KIF14: variants seen among roughly 807,000 people sequenced by gnomAD.
KIF14 encodes the protein kinesin family member 14.
In KIF14, 98 loss-of-function variants were observed where a neutral mutation model predicts 176.2. The observed-to-expected ratio is 0.56, with a 90% CI of 0.47 to 0.66. KIF14 has a LOEUF of 0.66. Among genes scored for constraint, KIF14 ranks in the 30% least tolerant of loss-of-function variants. KIF14 has a pLI of 0.00. For synonymous variants in KIF14, 566 were observed against 632.2 expected (o/e 0.90, Z 1.57); for missense variants, 1,751 against 1,920.4 (o/e 0.91, Z 1.65).
intron 3 of KIF14, among the ~76,000 whole-genome samples, 184 bp downstream of exon 3, chr1:200,615,171 T>A (rs938311853): frequency 6.6e-6 from 1 of 152,208 alleles, no homozygotes; most frequent in African/African-American, 2.4e-5. Flanking sequence ...AAGGTAAATG[T>A]ATAAACTGAA....
intron 22 of KIF14, among the ~76,000 whole-genome samples, chr1:200,572,581 G>A (rs1657865887): frequency 6.6e-6 from 1 of 152,114 alleles, no homozygotes. Context: ...CTGACCTTGT[G>A]ATCCGCCCAC....
At chr1:200,598,462 A>T (rs1659472270) in intron 13 of KIF14, 41 bp from the exon 14 acceptor site, 1 of 1,510,208 alleles carries the variant, frequency 6.6e-7, no homozygotes, top group African/African-American at 1.4e-5. Context: ...TAATCACAGT[A>T]TGAAATTGTT....
intron 25 of KIF14, among the ~76,000 whole-genome samples, chr1:200,561,285 A>C (rs1157933415): frequency 1.3e-5 from 2 of 150,760 alleles, no homozygotes; most frequent in African/African-American, 2.4e-5. Flanking sequence ...TCATGCCTGT[A>C]ATCTCAGCAC....
At position 200,598,348 on chromosome 1, in the gene KIF14, G is replaced by C. The variant is rs1659466390; in HGVS notation, c.2438C>G (p.Ser813Cys). 2 of 1,612,904 alleles carry C rather than the reference G, an allele frequency of 1.2e-6. No homozygotes were observed. The highest frequency in any genetic ancestry group is 1.7e-6 in the Non-Finnish European group (2 of 1,179,398). ...LVNLNEDPQL[S>C]EMLLYMIKEG... ...TTTTATCATATATAGCAGCATCTCA[G>C]ATAGTTGTGGATCTTCATTCAGATT... is the stretch of plus-strand genomic sequence containing the variant. The change falls in exon 14 of 30, where the codon TCT becomes TGT. Residue 813 changes from serine (S) to cysteine (C), a missense_variant. Coordinates refer to ENST00000367350, the MANE Select transcript of KIF14 (RefSeq NM_014875.3).
chr1:200,600,028 G>A, intron 13 of KIF14, 22 bp downstream of exon 13: 2 of 1,388,620 alleles, frequency 1.4e-6, no homozygotes, highest in Non-Finnish European at 2.0e-6. Context: ...TTTCTAATCA[G>A]TTTAGAAAGT....
chr1:200,571,208 G>A (rs905721913), intron 22 of KIF14, among the ~76,000 whole-genome samples: 2 of 151,740 alleles, frequency 1.3e-5, no homozygotes, highest in African/African-American at 2.4e-5. Flanking sequence ...CCAGCTACTC[G>A]GGAGGCTGAG....
rs1338885068 is a variant in KIF14 at position 200,575,709 on chromosome 1, T to A, written c.3466-18A>T. Reference sequence around the variant, plus strand: ...CCATTACTCTAAGAAAAATATAATATATAGTTTCAGTAAATTTGGGGTGAA... The same window carrying A: ...CCATTACTCTAAGAAAAATATAATAAATAGTTTCAGTAAATTTGGGGTGAA... On this transcript the variant is annotated intron_variant, in intron 21 of 29. Transcript: ENST00000367350. 1 of 1,360,146 alleles carries A rather than the reference T, an allele frequency of 7.4e-7. No homozygotes were observed. Among genetic ancestry groups the A allele is most frequent in the Non-Finnish European group, 1.0e-6 (1 of 1,004,926 alleles). 84.3% of individuals were successfully genotyped at this position (1,360,146 alleles called of 1,614,324 possible).
At chr1:200,604,903 CAT>C (rs1314209020) in intron 8 of KIF14, among the ~76,000 whole-genome samples, 1 of 151,960 alleles carries the variant, frequency 6.6e-6, no homozygotes, top group Non-Finnish European at 1.5e-5. Context: ...AATATACTAT[CAT>C]ATATTGATAT....
chr1:200,573,147 G>A (rs1282571054), intron 22 of KIF14, among the ~76,000 whole-genome samples: 1 of 152,162 alleles, frequency 6.6e-6, no homozygotes, highest in African/African-American at 2.4e-5. Flanking sequence ...GCCCGATGTT[G>A]TCAATCATGG....
intron 27 of KIF14, among the ~76,000 whole-genome samples, chr1:200,559,084 T>G (rs1656987422): frequency 6.6e-6 from 1 of 151,920 alleles, no homozygotes; most frequent in African/African-American, 2.4e-5. Flanking sequence ...TGCTTAGGAG[T>G]TTACAGACTG....
At chr1:200,582,651 A>C (rs1658523118) in intron 19 of KIF14, among the ~76,000 whole-genome samples, 1 of 152,152 alleles carries the variant, frequency 6.6e-6, no homozygotes, top group African/African-American at 2.4e-5. Flanking sequence ...GGAGTTTGAA[A>C]CTAGCCTGGC....
Position 200,593,700 on chromosome 1 carries a change from T to C in KIF14, c.2619A>G (p.Gly873=). ...PVGEAKTYVN[G]KHILEITVLR... Reference sequence around the variant, plus strand: ...ATACTGTGATTTCCAAAATATGTTTTCCATTTACATATGTCTTTGCTTCCC... The same window carrying C: ...ATACTGTGATTTCCAAAATATGTTTCCCATTTACATATGTCTTTGCTTCCC... The change falls in exon 15 of 30, where the codon GGA becomes GGG. Residue 873 remains glycine (G), a synonymous_variant. Coordinates refer to ENST00000367350, the MANE Select transcript of KIF14 (RefSeq NM_014875.3). 6.2e-7 allele frequency: 1 copy of C among 1,612,434 alleles called. No individual in the cohort carries two copies. The highest frequency in any genetic ancestry group is 8.5e-7 in the Non-Finnish European group (1 of 1,178,724).
At chr1:200,554,332 A>C in intron 29 of KIF14, 136 bp downstream of exon 29, 1 of 557,634 alleles carries the variant, frequency 1.8e-6, no homozygotes, top group Non-Finnish European at 3.1e-6. Flanking sequence ...CGGAGGTTGC[A>C]GTGAGCTGAA....
chr1:200,576,477 CA>C (rs34294441), intron 21 of KIF14, among the ~76,000 whole-genome samples: 26,117 of 87,388 alleles, frequency 0.3, 3,148 homozygotes, highest in African/African-American at 0.48. Context: ...GACTCCGTCT[CA>C]AAAAAAAAAA....
At chr1:200,554,377 C>T (rs1053281619) in intron 29 of KIF14, 91 bp downstream of exon 29, 38 of 851,914 alleles carry the variant, frequency 4.5e-5, no homozygotes, top group Non-Finnish European at 5.6e-5. Flanking sequence ...AGTGACAGAG[C>T]GAGACTCCAT....
intron 23 of KIF14, among the ~76,000 whole-genome samples, chr1:200,569,213 C>T (rs1172488942): frequency 6.6e-6 from 1 of 152,154 alleles, no homozygotes; most frequent in East Asian, 1.9e-4. Flanking sequence ...ACGTGAGCTA[C>T]TGTGCCCAGC....
intron 19 of KIF14, among the ~76,000 whole-genome samples, chr1:200,584,414 T>C (rs904658546): frequency 3.3e-5 from 5 of 151,882 alleles, no homozygotes; most frequent in African/African-American, 9.7e-5. Context: ...AAAAGAAAAC[T>C]ACAGGCCAAT....
chr1:200,560,921 T>C (rs1657107166), intron 25 of KIF14, 41 bp from the exon 26 acceptor site: 2 of 1,565,242 alleles, frequency 1.3e-6, no homozygotes, highest in African/African-American at 1.4e-5. Context: ...ATACATGAGA[T>C]TATAACAGGT....
In KIF14 at chr1:200,586,098, T is replaced by TA; in HGVS notation, c.3241+2dup. On this transcript the variant is annotated splice_region_variant and intron_variant, in intron 19 of 29. Transcript: ENST00000367350. ...ATGTTTGCTAAAATCAGCACACACT[T>TA]ACCTGTAAAAGTTTTATCCCTATTA... The TA allele has an allele frequency of 6.5e-7, 1 of 1,542,108 alleles. No individual in the cohort carries two copies. The highest frequency in any genetic ancestry group is 1.8e-5 in the Admixed American group (1 of 55,608).
Sources: allele counts gnomAD v4.1 joint callset (sites outside exome capture counted in the v4.1 genomes callset), GRCh38; gene constraint gnomAD v4.1.1; transcripts MANE v1.5; gene names NCBI Gene and HGNC (gene_info 2026-07-23, HGNC 2026-07-21).